Variants in CFAP54 observed in about 807,000 individuals in gnomAD.
CFAP54 encodes cilia- and flagella-associated protein 54.
CFAP54 carries 290 observed loss-of-function variants against 370.4 expected under a neutral mutation model. The ratio of observed to expected loss-of-function variants is 0.78; its 90% CI spans 0.71 to 0.86. The LOEUF (loss-of-function observed/expected upper bound fraction) is 0.86. CFAP54 is among the 40% of genes least tolerant of loss of function. The pLI, the probability that CFAP54 is intolerant of heterozygous loss-of-function variation, is 0.00. For missense variants in CFAP54, 3,399 were observed against 3,528.7 expected, an observed-to-expected ratio of 0.96 and a Z score of 0.93; for synonymous variants, 1,206 against 1,236.5, an observed-to-expected ratio of 0.98 and a Z score of 0.52.
intron 32 of CFAP54, among the ~76,000 whole-genome samples, chr12:96,639,803 A>G (rs1956704248): frequency 6.6e-6 from 1 of 152,252 alleles, no homozygotes. Flanking sequence ...GTAATCCAGC[A>G]TATAAACAGA....
intron 50 of CFAP54, among the ~76,000 whole-genome samples, chr12:96,725,426 CT>C (rs1398794648): frequency 3.3e-5 from 5 of 151,936 alleles, no homozygotes; most frequent in Non-Finnish European, 5.9e-5. Flanking sequence ...GTATTTTATT[CT>C]CTTTGAAGCA....
chr12:96,568,311 A>G (rs1488991059), intron 19 of CFAP54, among the ~76,000 whole-genome samples: 1 of 152,124 alleles, frequency 6.6e-6, no homozygotes, highest in African/African-American at 2.4e-5. Flanking sequence ...AATTATGAGT[A>G]TAATGTCCTA....
In CFAP54 at chr12:96,642,315, G is replaced by A. The variant is rs560896564; in HGVS notation, c.4317-1863G>A. On this transcript the variant is annotated intron_variant, in intron 32 of 67. Coordinates refer to ENST00000524981, the MANE Select transcript of CFAP54 (RefSeq NM_001306084.2). The stretch of plus-strand genomic sequence containing the variant: ...CTCGAGTCAATTGATTTCTTTTAGT[G>A]AGAAGTGGTATTTATTTAGAATCTA... Among the ~76,000 whole-genome samples, 12 of 152,196 alleles carry A rather than the reference G, an allele frequency of 7.9e-5. No homozygotes were observed. The South Asian group carries it at 2.3e-3, about 29-fold the overall frequency.
At chr12:96,583,402 C>T (rs1956049054) in intron 22 of CFAP54, among the ~76,000 whole-genome samples, 1 of 152,070 alleles carries the variant, frequency 6.6e-6, no homozygotes, top group African/African-American at 2.4e-5. Context: ...CTCAATTTTC[C>T]TATCTGTAAA....
intron 66 of CFAP54, among the ~76,000 whole-genome samples, chr12:96,844,217 A>G (rs1959269456): frequency 6.6e-6 from 1 of 152,134 alleles, no homozygotes; most frequent in Admixed American, 6.5e-5. Context: ...TAAGTTAAGG[A>G]TGGGGAGAGG....
At chr12:96,689,057 A>G in intron 43 of CFAP54, 75 bp downstream of exon 43, 1 of 901,614 alleles carries the variant, frequency 1.1e-6, no homozygotes, top group Non-Finnish European at 1.6e-6. Context: ...AGTTTATCAT[A>G]TTCAGAAAAC....
chr12:96,524,342 A>G (rs1279647139), intron 8 of CFAP54, among the ~76,000 whole-genome samples: 4 of 152,238 alleles, frequency 2.6e-5, no homozygotes, highest in Non-Finnish European at 4.4e-5. Context: ...ATAAATATTA[A>G]GAAATAAATA....
At chr12:96,739,569 T>C (rs575998497) in intron 50 of CFAP54, among the ~76,000 whole-genome samples, 1 of 152,326 alleles carries the variant, frequency 6.6e-6, no homozygotes, top group South Asian at 2.1e-4. Flanking sequence ...ATAAAGTACA[T>C]ATATACTCAT....
intron 39 of CFAP54, among the ~76,000 whole-genome samples, chr12:96,674,890 A>G (rs1957187977): frequency 6.6e-6 from 1 of 152,248 alleles, no homozygotes; most frequent in Admixed American, 6.5e-5. Context: ...CCATATGTAG[A>G]AAGCTGAAAC....
chr12:96,642,457 CATATCTATCTAAAT>C (rs1956741810), intron 32 of CFAP54, among the ~76,000 whole-genome samples: 1 of 152,144 alleles, frequency 6.6e-6, no homozygotes, highest in Non-Finnish European at 1.5e-5. Flanking sequence ...TCTATCTAAA[CATATCTATCTAAAT>C]ATAGCTATAT....
At chr12:96,838,987 G>T (rs1429007542) in intron 66 of CFAP54, among the ~76,000 whole-genome samples, 2 of 152,176 alleles carry the variant, frequency 1.3e-5, no homozygotes, top group Non-Finnish European at 2.9e-5. Flanking sequence ...TGTTAAGATG[G>T]CTCTGTTGAG....
chr12:96,594,548 A>G, intron 25 of CFAP54, 102 bp downstream of exon 25: 1 of 808,600 alleles, frequency 1.2e-6, no homozygotes, highest in Non-Finnish European at 1.8e-6. Flanking sequence ...AAGGGCAAAT[A>G]GGTCAGGAAT....
intron 26 of CFAP54, among the ~76,000 whole-genome samples, chr12:96,603,689 C>T (rs1956268893): frequency 6.6e-6 from 1 of 152,122 alleles, no homozygotes; most frequent in African/African-American, 2.4e-5. Flanking sequence ...TGTCTTCTCC[C>T]TTTATTTCAT....
At chr12:96,581,534 C>T (rs1956032471) in intron 22 of CFAP54, among the ~76,000 whole-genome samples, 1 of 152,066 alleles carries the variant, frequency 6.6e-6, no homozygotes, top group Non-Finnish European at 1.5e-5. Context: ...GGCTGATAAA[C>T]ATCCTACAAT....
intron 17 of CFAP54, among the ~76,000 whole-genome samples, chr12:96,564,210 C>G (rs533129284): frequency 1.3e-5 from 2 of 152,212 alleles, no homozygotes; most frequent in South Asian, 4.2e-4. Context: ...CTCAGGATGA[C>G]TTTATTCAAG....
At chr12:96,852,159 C>G (rs952979253) in intron 66 of CFAP54, among the ~76,000 whole-genome samples, 1 of 151,938 alleles carries the variant, frequency 6.6e-6, no homozygotes. Context: ...ATAGCTAAGA[C>G]CATCTAAAAG....
At chr12:96,736,036 C>A (rs1957976588) in intron 50 of CFAP54, among the ~76,000 whole-genome samples, 1 of 152,112 alleles carries the variant, frequency 6.6e-6, no homozygotes, top group Non-Finnish European at 1.5e-5. Flanking sequence ...ATAGTTGAAA[C>A]ATACTGGATT....
intron 60 of CFAP54, among the ~76,000 whole-genome samples, chr12:96,773,323 G>A (rs1958482215): frequency 6.6e-6 from 1 of 152,178 alleles, no homozygotes; most frequent in Non-Finnish European, 1.5e-5. Flanking sequence ...CACTTCTTCT[G>A]CCAGAATCAC....
chr12:96,699,038 G>A (rs778022009), intron 45 of CFAP54, among the ~76,000 whole-genome samples: 5 of 152,142 alleles, frequency 3.3e-5, no homozygotes, highest in Non-Finnish European at 1.5e-5. Context: ...CCCACAATCA[G>A]TCTGATTGGT....
Sources: allele counts gnomAD v4.1 joint callset (sites outside exome capture counted in the v4.1 genomes callset), GRCh38; gene constraint gnomAD v4.1.1; transcripts MANE v1.5; gene names NCBI Gene and HGNC (gene_info 2026-07-23, HGNC 2026-07-21).